Variants in DNER observed in about 807,000 individuals in gnomAD.
The protein encoded by DNER is delta and Notch-like epidermal growth factor-related receptor.
In DNER, 33 loss-of-function variants were observed where a neutral mutation model predicts 78.2. The observed-to-expected ratio is 0.42, with a 90% confidence interval of 0.32 to 0.56. The LOEUF is 0.56. Ranked by LOEUF, DNER falls within the 20% of genes least tolerant of loss-of-function variation. The probability of loss-of-function intolerance (pLI) is 0.11; values close to 1 mark genes in which losing one functional copy is unlikely to be tolerated. For synonymous variants in DNER, 417 were observed against 384.8 expected (o/e 1.08, Z -0.98); for missense variants, 918 against 975.3 (o/e 0.94, Z 0.78).
chr2:229,426,857 A>G (rs889041496), intron 8 of DNER, among the ~76,000 whole-genome samples: 3 of 152,244 alleles, frequency 2.0e-5, no homozygotes, highest in African/African-American at 7.2e-5. Context: ...ACACACACAC[A>G]CACAACACAC....
intron 8 of DNER, among the ~76,000 whole-genome samples, 186 bp from the exon 9 acceptor site, chr2:229,418,416 C>A (rs149047164): frequency 6.6e-6 from 1 of 152,272 alleles, no homozygotes; most frequent in African/African-American, 2.4e-5. Context: ...ATGAAGAAAG[C>A]GCCTGTTCTT....
At chr2:229,623,329 C>G (rs1279609312) in intron 1 of DNER, among the ~76,000 whole-genome samples, 4 of 152,170 alleles carry the variant, frequency 2.6e-5, no homozygotes, top group African/African-American at 9.7e-5. Context: ...CACCCACCTT[C>G]TTTGCAACTT....
chr2:229,566,473 G>C (rs1286940810), intron 4 of DNER, among the ~76,000 whole-genome samples: 1 of 152,168 alleles, frequency 6.6e-6, no homozygotes, highest in Non-Finnish European at 1.5e-5. Context: ...CCCCAGTGGT[G>C]CACCATGATT....
At chr2:229,384,429 A>C (rs1692816426) in intron 11 of DNER, among the ~76,000 whole-genome samples, 1 of 152,174 alleles carries the variant, frequency 6.6e-6, no homozygotes, top group Admixed American at 6.5e-5. Flanking sequence ...ACTGAAGGAG[A>C]GAGAGACAAG....
intron 10 of DNER, among the ~76,000 whole-genome samples, chr2:229,396,964 G>GTAT (rs2106339845): frequency 6.6e-6 from 1 of 152,226 alleles, no homozygotes; most frequent in East Asian, 1.9e-4. Context: ...TTGTAGGTAG[G>GTAT]TATTATTACC....
chr2:229,582,219 A>C (rs1434799915), intron 4 of DNER, among the ~76,000 whole-genome samples: 1 of 152,288 alleles, frequency 6.6e-6, no homozygotes, highest in Non-Finnish European at 1.5e-5. Flanking sequence ...TCCTTTTTAA[A>C]AACAAAACAA....
intron 8 of DNER, among the ~76,000 whole-genome samples, chr2:229,439,061 A>G (rs909835912): frequency 1.3e-4 from 20 of 152,168 alleles, no homozygotes; most frequent in Admixed American, 1.1e-3. Flanking sequence ...CCCACTTCAT[A>G]AGGACTATGG....
intron 7 of DNER, among the ~76,000 whole-genome samples, chr2:229,476,717 C>T (rs1200947567): frequency 6.6e-6 from 1 of 151,986 alleles, no homozygotes; most frequent in Non-Finnish European, 1.5e-5. Context: ...ATAAAAGTAG[C>T]CCTAAAGATG....
chr2:229,659,082 A>G (rs1698961552), intron 1 of DNER, among the ~76,000 whole-genome samples: 1 of 152,174 alleles, frequency 6.6e-6, no homozygotes, highest in African/African-American at 2.4e-5. Context: ...ACTGGCAGTC[A>G]TTGATGAAGA....
chr2:229,659,040 C>T (rs1574946788), intron 1 of DNER, among the ~76,000 whole-genome samples: 2 of 152,112 alleles, frequency 1.3e-5, no homozygotes, highest in Admixed American at 6.6e-5. Flanking sequence ...ATAAAACTGA[C>T]ACTCTCTGGT....
At chr2:229,495,804 A>G (rs1455479914) in intron 6 of DNER, among the ~76,000 whole-genome samples, 1 of 152,188 alleles carries the variant, frequency 6.6e-6, no homozygotes. Context: ...TCTGTTCCTC[A>G]TATTAATTTT....
At chr2:229,526,570 A>G (rs1408716175) in intron 5 of DNER, among the ~76,000 whole-genome samples, 1 of 152,224 alleles carries the variant, frequency 6.6e-6, no homozygotes, top group Non-Finnish European at 1.5e-5. Flanking sequence ...CTCATCGGGC[A>G]TTAGCTAGAT....
chr2:229,686,623 C>T (rs144917903), intron 1 of DNER, among the ~76,000 whole-genome samples: 102 of 152,288 alleles, frequency 6.7e-4, no homozygotes, highest in African/African-American at 2.3e-3. Context: ...CCTACCCAGG[C>T]CTGTCTTCTG....
intron 1 of DNER, among the ~76,000 whole-genome samples, chr2:229,628,152 A>G (rs1228289418): frequency 6.6e-6 from 1 of 152,138 alleles, no homozygotes; most frequent in African/African-American, 2.4e-5. Context: ...AAAAACCACC[A>G]TGCTGGGAGA....
At chr2:229,590,149 C>A (rs1420384525) in intron 2 of DNER, among the ~76,000 whole-genome samples, 1 of 151,906 alleles carries the variant, frequency 6.6e-6, no homozygotes, top group Non-Finnish European at 1.5e-5. Flanking sequence ...AATGGAATTA[C>A]ACTCCCCAGT....
intron 8 of DNER, among the ~76,000 whole-genome samples, chr2:229,444,933 A>C (rs1432811550): frequency 2.6e-5 from 4 of 152,192 alleles, no homozygotes. Context: ...AGGAGAAAAT[A>C]AAGTTGTTTT....
chr2:229,550,888 C>T lies in DNER; in HGVS notation c.848-3796G>A, dbSNP rs548555420. 8.5e-5 allele frequency among the ~76,000 whole-genome samples: 13 copies of T among 152,310 alleles called. 1 individual carries two copies. Among genetic ancestry groups the T allele is most frequent in the African/African-American group, 2.9e-4 (12 of 41,548 alleles). On this transcript the variant is annotated intron_variant, in intron 4 of 12. Coordinates refer to ENST00000341772, the MANE Select transcript of DNER (RefSeq NM_139072.4). The stretch of plus-strand genomic sequence containing the variant: ...TTGCCTGCATGGTACCTAGCATCAC[C>T]TCATTAACTGATGGTCACTTGAGAA...
intron 6 of DNER, among the ~76,000 whole-genome samples, chr2:229,486,638 G>A (rs900879619): frequency 6.6e-6 from 1 of 152,172 alleles, no homozygotes; most frequent in Non-Finnish European, 1.5e-5. Context: ...TCTATGGAGT[G>A]TACCCTTTAA....
chr2:229,415,051 A>G (rs914073423), intron 9 of DNER, among the ~76,000 whole-genome samples: 1 of 152,100 alleles, frequency 6.6e-6, no homozygotes, highest in Non-Finnish European at 1.5e-5. Context: ...AATCCCAGCT[A>G]CTCAGGAGGC....
Sources: allele counts gnomAD v4.1 joint callset (sites outside exome capture counted in the v4.1 genomes callset), GRCh38; gene constraint gnomAD v4.1.1; transcripts MANE v1.5; gene names NCBI Gene and HGNC (gene_info 2026-07-23, HGNC 2026-07-21).